The following PTER variants were observed in gnomAD, a reference collection of about 807,000 sequenced individuals.
PTER encodes phosphotriesterase related.
Under a neutral mutation model 29.6 loss-of-function variants are expected in PTER, and 38 were observed. The observed-to-expected ratio is 1.28, with a 90% CI of 0.99 to 1.68. The LOEUF (loss-of-function observed/expected upper bound fraction) is 1.68, where lower values mean the gene tolerates loss of function less well. Ranked by LOEUF, PTER falls within the 40% of genes most tolerant of loss-of-function variation. The pLI is 0.00. For missense variants in PTER, 482 were observed against 427.8 expected (o/e 1.13, Z -1.12); for synonymous variants, 172 against 154.5 (o/e 1.11, Z -0.84).
At chr10:16,504,417 A>C (rs1011707459) in intron 3 of PTER, among the ~76,000 whole-genome samples, 8 of 152,216 alleles carry the variant, frequency 5.3e-5, no homozygotes, top group Non-Finnish European at 8.8e-5. Flanking sequence ...TTATTTAAAA[A>C]ATAAGCACTC....
At chr10:16,485,187 C>T (rs186477504) in intron 2 of PTER, among the ~76,000 whole-genome samples, 1 of 152,220 alleles carries the variant, frequency 6.6e-6, no homozygotes, top group Admixed American at 6.5e-5. Context: ...TATGCTACCT[C>T]GATTTTTTTT....
intron 4 of PTER, among the ~76,000 whole-genome samples, chr10:16,509,277 A>G (rs1277353198): frequency 1.3e-5 from 2 of 149,940 alleles, no homozygotes; most frequent in Non-Finnish European, 3.0e-5. Context: ...GTCCAGAGCC[A>G]TAACGTTATC....
At chr10:16,478,390 A>G (rs1027111808) in intron 1 of PTER, among the ~76,000 whole-genome samples, 4 of 150,166 alleles carry the variant, frequency 2.7e-5, no homozygotes, top group African/African-American at 9.8e-5. Flanking sequence ...CTGGAGTGCA[A>G]TGGCACGATT....
chr10:16,486,729 C>A, intron 3 of PTER, 112 bp downstream of exon 3: 1 of 1,199,144 alleles, frequency 8.3e-7, no homozygotes, highest in Non-Finnish European at 1.2e-6. Flanking sequence ...GAGAAAACCA[C>A]TAACTATATG....
At chr10:16,451,065 G>A (rs1397008581) in intron 1 of PTER, among the ~76,000 whole-genome samples, 2 of 152,064 alleles carry the variant, frequency 1.3e-5, no homozygotes, top group Admixed American at 1.3e-4. Flanking sequence ...GTGACCAAAG[G>A]CCCAAGAGCC....
downstream of PTER, among the ~76,000 whole-genome samples, chr10:16,515,247 C>A (rs532740653): frequency 6.6e-6 from 1 of 151,138 alleles, no homozygotes; most frequent in African/African-American, 2.4e-5. Context: ...AAGAAAAAGT[C>A]TTTTGATTTA....
intron 3 of PTER, among the ~76,000 whole-genome samples, chr10:16,487,030 A>G (rs1340293660): frequency 6.6e-6 from 1 of 152,226 alleles, no homozygotes; most frequent in Non-Finnish European, 1.5e-5. Flanking sequence ...GGGAATGTCA[A>G]TGGTTTCACC....
At chr10:16,442,845 G>T (rs192850782) in intron 1 of PTER, among the ~76,000 whole-genome samples, 2 of 152,170 alleles carry the variant, frequency 1.3e-5, no homozygotes, top group East Asian at 1.9e-4. Flanking sequence ...CCAGGCATAC[G>T]TCTGTAAGTC....
rs1396196150 is a variant in PTER at position 16,513,741 on chromosome 10, G to A, written c.*2485G>A. ...AGAATAAATTTCTCTGACTTTCCCA[G>A]TGAATCTAAATGTATTCAGTTGACA... On this transcript the variant is annotated 3_prime_UTR_variant, in exon 5 of 5. Transcript: ENST00000535784. The A allele has an allele frequency of 6.6e-6, 1 of 152,498 alleles. No individual in the cohort carries two copies. The highest frequency in any genetic ancestry group is 1.5e-5 in the Non-Finnish European group (1 of 67,994). The allele number at this position is 152,498 out of a possible 1,614,324, so 9.4% of individuals were successfully genotyped here.
intron 1 of PTER, among the ~76,000 whole-genome samples, chr10:16,457,394 T>C (rs1008535348): frequency 6.6e-6 from 1 of 152,086 alleles, no homozygotes; most frequent in African/African-American, 2.4e-5. Context: ...TTGTATTTTT[T>C]AGTAGAGACG....
chr10:16,488,715 A>T (rs1246988131), intron 3 of PTER, among the ~76,000 whole-genome samples: 2 of 151,906 alleles, frequency 1.3e-5, no homozygotes, highest in Non-Finnish European at 1.5e-5. Context: ...GTGATCCTCC[A>T]ACCTCAGCCT....
In PTER at chr10:16,465,565, C is replaced by T. The variant is rs147053388; in HGVS notation, c.-48-18772C>T. ...GCCTATAAAGAGGACATAATGCCAA[C>T]GAAAACATAGGTTTGCTTGTGGCTG... On this transcript the variant is annotated intron_variant, in intron 1 of 4. Transcript: ENST00000535784. Among the ~76,000 whole-genome samples the T allele has an allele frequency of 1.3e-4, 20 of 152,192 alleles. No homozygotes were observed. The East Asian group carries it at 3.5e-3, about 26-fold the overall frequency.
At chr10:16,439,458 A>C (rs923935095) in intron 1 of PTER, among the ~76,000 whole-genome samples, 30 of 152,226 alleles carry the variant, frequency 2.0e-4, no homozygotes, top group African/African-American at 7.2e-4. Context: ...GGAGAAGTAC[A>C]TGACCGTGTA....
chr10:16,441,606 A>T (rs1255818631), intron 1 of PTER, among the ~76,000 whole-genome samples: 2 of 152,198 alleles, frequency 1.3e-5, no homozygotes, highest in African/African-American at 2.4e-5. Context: ...GTCTCCCTAG[A>T]GGTTAACAAT....
At chr10:16,476,248 T>A (rs1221780190) in intron 1 of PTER, 2 of 152,100 alleles carry the variant, frequency 1.3e-5, no homozygotes, top group Non-Finnish European at 2.9e-5. Context: ...CACACCTGGC[T>A]AATTTTTGTA....
At chr10:16,482,953 T>C (rs1215994651) in intron 1 of PTER, among the ~76,000 whole-genome samples, 4 of 152,128 alleles carry the variant, frequency 2.6e-5, no homozygotes, top group Admixed American at 2.0e-4. Context: ...GGCAAATTTT[T>C]GTATTTTTAG....
intron 1 of PTER, among the ~76,000 whole-genome samples, chr10:16,452,619 TCTC>T (rs367732268): frequency 3.0e-4 from 45 of 151,866 alleles, no homozygotes; most frequent in African/African-American, 8.0e-4. Flanking sequence ...TTTTGTTTTC[TCTC>T]CTCCTCCTCC....
In PTER at chr10:16,486,453, G is replaced by C. The variant is rs1229636879; in HGVS notation, c.534G>C (p.Glu178Asp). 6 of 1,613,944 alleles carry C rather than the reference G, an allele frequency of 3.7e-6. No homozygotes were observed. The highest frequency in any genetic ancestry group is 5.1e-6 in the Non-Finnish European group (6 of 1,179,992). ...GEIGCSWPLT[E>D]SERKVLQATA... ...TTGGTTGCTCCTGGCCTTTGACTGA[G>C]AGTGAAAGAAAGGTTCTCCAGGCCA... The change falls in exon 3 of 5, where the codon GAG becomes GAC. Residue 178 changes from glutamate to aspartate, a missense_variant. Transcript: ENST00000535784.
At chr10:16,468,258 C>T (rs1378381962) in intron 1 of PTER, among the ~76,000 whole-genome samples, 1 of 152,160 alleles carries the variant, frequency 6.6e-6, no homozygotes, top group Non-Finnish European at 1.5e-5. Flanking sequence ...AGGAGAATCA[C>T]TTGAACCAGG....
Sources: gnomAD v4.1 joint callset for allele counts (sites outside exome capture counted in the v4.1 genomes callset) on GRCh38, gnomAD v4.1.1 for gene constraint, MANE v1.5 for transcripts, NCBI Gene and HGNC (gene_info 2026-07-23, HGNC 2026-07-21) for gene names.